BBX: variants seen among roughly 807,000 people sequenced by gnomAD.
BBX encodes HMG box transcription factor BBX.
A neutral mutation model predicts 100.2 loss-of-function variants in BBX; 30 were observed. The ratio of observed to expected loss-of-function variants is 0.30; its 90% CI spans 0.22 to 0.41. The LOEUF (loss-of-function observed/expected upper bound fraction) is 0.41. Among genes scored for constraint, BBX ranks in the 10% least tolerant of loss-of-function variants. The probability of loss-of-function intolerance (pLI) is 1.00; values close to 1 mark genes in which losing one functional copy is unlikely to be tolerated. For synonymous variants in BBX, 376 were observed against 388.1 expected, an observed-to-expected ratio of 0.97 and a Z score of 0.37; for missense variants, 1,023 against 1,129.8, an observed-to-expected ratio of 0.91 and a Z score of 1.35.
chr3:107,734,671 GTTC>G (rs1270738480), intron 7 of BBX, among the ~76,000 whole-genome samples: 2 of 152,134 alleles, frequency 1.3e-5, no homozygotes, highest in African/African-American at 4.8e-5. Context: ...TCTATTTAGT[GTTC>G]TTTTTAACCT....
At chr3:107,800,563 T>G (rs1429403926) in intron 16 of BBX, among the ~76,000 whole-genome samples, 1 of 152,238 alleles carries the variant, frequency 6.6e-6, no homozygotes, top group Non-Finnish European at 1.5e-5. Context: ...GGGCTTTGTC[T>G]TCTCTCCAGT....
rs563114374 is a variant in BBX, at chr3:107,546,086, A to C, written c.-84+19688A>C. On this transcript the variant is annotated intron_variant, in intron 2 of 17. Coordinates refer to ENST00000325805, the MANE Select transcript of BBX (RefSeq NM_001142568.3). ...ACTGGCTACTGAACAGTTTGACTGC[A>C]CTGTAATACACAACCTGTCCCAAGC... Among the ~76,000 whole-genome samples the C allele has an allele frequency of 3.9e-5, 6 of 152,342 alleles. No homozygotes were observed. In the East Asian group the frequency reaches 5.8e-4, roughly 15 times the overall value.
At chr3:107,679,416 T>C (rs2059457048) in intron 3 of BBX, among the ~76,000 whole-genome samples, 1 of 152,168 alleles carries the variant, frequency 6.6e-6, no homozygotes, top group African/African-American at 2.4e-5. Flanking sequence ...TTCTCAGCTT[T>C]GTCCAGGTCC....
chr3:107,666,002 C>A (rs1369502715), intron 3 of BBX, among the ~76,000 whole-genome samples: 1 of 152,166 alleles, frequency 6.6e-6, no homozygotes, highest in East Asian at 1.9e-4. Flanking sequence ...TTCATGTAGT[C>A]TTTCCATTAA....
intron 7 of BBX, among the ~76,000 whole-genome samples, chr3:107,743,234 A>G (rs2064263539): frequency 6.6e-6 from 1 of 152,164 alleles, no homozygotes; most frequent in Admixed American, 6.6e-5. Flanking sequence ...CCAAAAATAT[A>G]TTTTTTGATA....
intron 2 of BBX, among the ~76,000 whole-genome samples, chr3:107,557,616 C>T (rs1222877428): frequency 6.6e-6 from 1 of 152,232 alleles, no homozygotes; most frequent in African/African-American, 2.4e-5. Flanking sequence ...CCACTGATGA[C>T]CTATTCCCGG....
intron 2 of BBX, among the ~76,000 whole-genome samples, chr3:107,637,549 G>T (rs2056925340): frequency 6.6e-6 from 1 of 152,198 alleles, no homozygotes; most frequent in South Asian, 2.1e-4. Context: ...GCCTACCTCT[G>T]CCTCTGTCTT....
At chr3:107,609,935 G>A (rs1386756734) in intron 2 of BBX, among the ~76,000 whole-genome samples, 1 of 151,428 alleles carries the variant, frequency 6.6e-6, no homozygotes, top group African/African-American at 2.4e-5. Flanking sequence ...TTACTTTTCT[G>A]ATCCTTTAAG....
intron 16 of BBX, 68 bp downstream of exon 16, chr3:107,798,788 G>T: frequency 1.0e-5 from 13 of 1,301,742 alleles, no homozygotes; most frequent in Admixed American, 1.9e-5. Context: ...ACTGGAAGAA[G>T]AATTGTCTTG....
At chr3:107,730,553 G>T (rs2063250397) in intron 6 of BBX, among the ~76,000 whole-genome samples, 1 of 150,062 alleles carries the variant, frequency 6.7e-6, no homozygotes. Context: ...TAGGTGAACT[G>T]CAGAAAGCTA....
At chr3:107,602,602 A>T (rs2054140165) in intron 2 of BBX, among the ~76,000 whole-genome samples, 1 of 152,194 alleles carries the variant, frequency 6.6e-6, no homozygotes, top group Admixed American at 6.5e-5. Context: ...ATCAACATTA[A>T]CAGGAGTTTG....
intron 3 of BBX, among the ~76,000 whole-genome samples, chr3:107,648,083 A>G (rs769011114): frequency 6.6e-6 from 1 of 152,184 alleles, no homozygotes; most frequent in Non-Finnish European, 1.5e-5. Context: ...TAACTATTAT[A>G]TCTGCAAAAT....
At chr3:107,637,783 G>T (rs2056939516) in intron 2 of BBX, among the ~76,000 whole-genome samples, 1 of 152,092 alleles carries the variant, frequency 6.6e-6, no homozygotes, top group Admixed American at 6.6e-5. Flanking sequence ...AAACTTTCTG[G>T]GTCCTACTTG....
intron 7 of BBX, among the ~76,000 whole-genome samples, chr3:107,734,340 T>A (rs191931484): frequency 5.3e-4 from 80 of 152,344 alleles, no homozygotes; most frequent in African/African-American, 1.9e-3. Context: ...TACTTTGTGC[T>A]AATCTTCAGC....
intron 2 of BBX, among the ~76,000 whole-genome samples, chr3:107,603,417 C>T (rs191249909): frequency 1.3e-4 from 20 of 152,150 alleles, no homozygotes; most frequent in Admixed American, 7.9e-4. Context: ...CTCGCTCTGT[C>T]GCCCAGGCTG....
At chr3:107,686,198 T>C (rs17811557) in intron 3 of BBX, among the ~76,000 whole-genome samples, 17,920 of 152,244 alleles carry the variant, frequency 0.12, 1,415 homozygotes, top group Middle Eastern at 0.19. Context: ...GTGCAAAATG[T>C]TTAGTTTTAA....
chr3:107,527,229 T>C (rs2047844658), intron 2 of BBX, among the ~76,000 whole-genome samples: 1 of 148,396 alleles, frequency 6.7e-6, no homozygotes, highest in Admixed American at 6.7e-5. Context: ...CCCTCCATTG[T>C]AAAGGAACAC....
intron 12 of BBX, 32 bp from the exon 13 acceptor site, chr3:107,778,339 T>G: frequency 6.2e-7 from 1 of 1,611,700 alleles, no homozygotes; most frequent in Non-Finnish European, 8.5e-7. Flanking sequence ...TTTGGTCATG[T>G]GCTGATTGAT....
At chr3:107,734,655 G>A (rs558329032) in intron 7 of BBX, among the ~76,000 whole-genome samples, 35 of 152,180 alleles carry the variant, frequency 2.3e-4, no homozygotes, top group African/African-American at 7.5e-4. Context: ...TGTTTCATTC[G>A]CAACATCTAT....
Sources: gnomAD v4.1 joint callset for allele counts (sites outside exome capture counted in the v4.1 genomes callset) on GRCh38, gnomAD v4.1.1 for gene constraint, MANE v1.5 for transcripts, NCBI Gene and HGNC (gene_info 2026-07-23, HGNC 2026-07-21) for gene names.